The following SNAPC3 variants were observed in gnomAD, a reference collection of about 807,000 sequenced individuals.
SNAPC3 encodes the protein small nuclear RNA activating complex polypeptide 3.
Under a neutral mutation model 47.7 loss-of-function variants are expected in SNAPC3, and 56 were observed. The observed-to-expected ratio is 1.18, with a 90% CI of 0.95 to 1.47. SNAPC3 has a LOEUF of 1.47. Among genes scored for constraint, SNAPC3 ranks in the 40% most tolerant of loss-of-function variants. The probability of loss-of-function intolerance (pLI) is 0.00; values close to 1 mark genes in which losing one functional copy is unlikely to be tolerated. For synonymous variants in SNAPC3, 235 were observed against 189.9 expected, an observed-to-expected ratio of 1.24 and a Z score of -1.95; for missense variants, 665 against 511.3, an observed-to-expected ratio of 1.30 and a Z score of -2.90.
In SNAPC3 at chr9:15,459,818, G is replaced by A. The variant is rs150689879; in HGVS notation, c.1188G>A (p.Leu396=). ...MLHYDSEGNK[L]GEFLAYPYVD... Reference sequence around the variant, plus strand: ...ACTATGATTCAGAAGGCAACAAACTGGGGGAATTCCTTGCTTATCCTTATG... The same window carrying A: ...ACTATGATTCAGAAGGCAACAAACTAGGGGAATTCCTTGCTTATCCTTATG... The change falls in exon 9 of 9, where the codon CTG becomes CTA. Residue 396 remains leucine, a synonymous_variant. Transcript: ENST00000380821. 34 of 1,613,116 alleles carry A rather than the reference G, an allele frequency of 2.1e-5. No homozygotes were observed. The African/African-American group carries it at 4.1e-4, about 20-fold the overall frequency.
intron 6 of SNAPC3, among the ~76,000 whole-genome samples, chr9:15,452,683 TA>T (rs1165488602): frequency 1.3e-5 from 2 of 152,370 alleles, no homozygotes; most frequent in East Asian, 3.9e-4. Context: ...GGGTTATAAC[TA>T]TCACTATTTA....
At chr9:15,441,931 G>A (rs978437324) in intron 3 of SNAPC3, among the ~76,000 whole-genome samples, 6 of 152,082 alleles carry the variant, frequency 3.9e-5, no homozygotes, top group Admixed American at 1.3e-4. Context: ...ACGTGGTGGC[G>A]GCCGGGCAGA....
chr9:15,458,893 C>T lies in SNAPC3; in HGVS notation c.1088+826C>T, dbSNP rs561484932. ...TCTGATGCTCAAATGATCATTGGAGCATTTTGGATTTCAAATTCTCAGTGG... is the reference window on the plus strand; with the variant it reads ...TCTGATGCTCAAATGATCATTGGAGTATTTTGGATTTCAAATTCTCAGTGG... On this transcript the variant is annotated intron_variant, in intron 8 of 8. Transcript: ENST00000380821. Among the ~76,000 whole-genome samples, 5 of 152,140 alleles carry T rather than the reference C, an allele frequency of 3.3e-5. 1 individual carries two copies. Among genetic ancestry groups the T allele is most frequent in the Admixed American group, 2.0e-4 (3 of 15,278 alleles).
At position 15,456,234 on chromosome 9, in the gene SNAPC3, T is replaced by C. The variant is rs530727132; in HGVS notation, c.981-1726T>C. On this transcript the variant is annotated intron_variant, in intron 7 of 8. Transcript: ENST00000380821. ...CATGTTGGCCAGGCTGGTGTCGAAC[T>C]CCTGACCTCAGGTGATCCGCCCATG... 1.2e-4 allele frequency among the ~76,000 whole-genome samples: 19 copies of C among 152,230 alleles called. No individual in the cohort carries two copies. The East Asian group carries it at 3.5e-3, about 28-fold the overall frequency.
At chr9:15,449,396 G>C (rs1262795983) in intron 5 of SNAPC3, among the ~76,000 whole-genome samples, 1 of 151,792 alleles carries the variant, frequency 6.6e-6, no homozygotes, top group Non-Finnish European at 1.5e-5. Flanking sequence ...GTTTTAACCA[G>C]GCTTTGTCAA....
chr9:15,439,164 T>C (rs73417320), intron 3 of SNAPC3, among the ~76,000 whole-genome samples: 6,812 of 152,172 alleles, frequency 0.045, 488 homozygotes, highest in African/African-American at 0.15. Flanking sequence ...CTTGCGCCAC[T>C]ATGCTGAGTT....
At chr9:15,462,829 A>T (rs1192151679), downstream of SNAPC3, 1 of 152,214 alleles carries the variant, frequency 6.6e-6, no homozygotes, top group Non-Finnish European at 1.5e-5. Flanking sequence ...TTTGTTTCTA[A>T]AGAGTTTAAT....
downstream of SNAPC3, chr9:15,462,215 CTGGGAT>C (rs1255415557): frequency 2.0e-5 from 3 of 152,158 alleles, no homozygotes; most frequent in African/African-American, 7.2e-5. Context: ...ATTTCTGCTA[CTGGGAT>C]TCTTTATTAA....
At chr9:15,450,484 A>C (rs2034306563) in intron 5 of SNAPC3, among the ~76,000 whole-genome samples, 1 of 152,212 alleles carries the variant, frequency 6.6e-6, no homozygotes, top group Admixed American at 6.5e-5. Context: ...AGATATTATT[A>C]TTCTCATTTC....
At chr9:15,455,806 C>T (rs1216379330) in intron 7 of SNAPC3, among the ~76,000 whole-genome samples, 2 of 151,820 alleles carry the variant, frequency 1.3e-5, no homozygotes, top group African/African-American at 4.8e-5. Context: ...TGAAGCAATT[C>T]TCATGCCTTA....
At position 15,461,183 on chromosome 9, in the gene SNAPC3, A is replaced by C. The variant is rs1787918903; in HGVS notation, c.*1317A>C. ...ACTTTTTAAACTTATTTTTTGACAT[A>C]GGGTCTTACTGTGTCACCCAGGCTG... On this transcript the variant is annotated 3_prime_UTR_variant, in exon 9 of 9. Transcript: ENST00000380821. 1 of 151,294 alleles carries C rather than the reference A, an allele frequency of 6.6e-6. No homozygotes were observed. Among genetic ancestry groups the C allele is most frequent in the African/African-American group, 2.4e-5 (1 of 41,354 alleles). 9.4% of individuals were successfully genotyped at this position (151,294 alleles called of 1,614,324 possible).
intron 3 of SNAPC3, among the ~76,000 whole-genome samples, chr9:15,442,754 C>T (rs2033586855): frequency 1.3e-5 from 2 of 152,328 alleles, no homozygotes; most frequent in South Asian, 4.1e-4. Flanking sequence ...ACGCTCTTCA[C>T]TTGCCAGACG....
intron 3 of SNAPC3, among the ~76,000 whole-genome samples, chr9:15,435,704 G>T (rs1245930796): frequency 6.6e-6 from 1 of 150,554 alleles, no homozygotes; most frequent in African/African-American, 2.5e-5. Context: ...ATTCCAGCCT[G>T]GGCAACAGGA....
At position 15,423,037 on chromosome 9, in the gene SNAPC3, G is replaced by A. The variant is rs2030756640; in HGVS notation, c.158G>A (p.Gly53Asp). 3.9e-6 allele frequency: 6 copies of A among 1,522,326 alleles called. No individual in the cohort carries two copies. The highest frequency in any genetic ancestry group is 2.4e-5 in the Admixed American group (1 of 42,314). 94.3% of individuals were successfully genotyped at this position (1,522,326 alleles called of 1,614,324 possible). The change falls in exon 1 of 9, where the codon GGC (glycine) becomes GAC (aspartate). Residue 53 changes from glycine to aspartate, a missense_variant. Transcript: ENST00000380821. Reference sequence around the variant, plus strand: ...GGCGCCTTTGGGGAGCTGTGGCGGGGCCGTCTGCGCGGGGCCGGGGACTTG... The same window carrying A: ...GGCGCCTTTGGGGAGCTGTGGCGGGACCGTCTGCGCGGGGCCGGGGACTTG... ...HVGAFGELWR[G>D]RLRGAGDLSL...
At chr9:15,457,287 T>C (rs369518611) in intron 7 of SNAPC3, among the ~76,000 whole-genome samples, 3 of 152,116 alleles carry the variant, frequency 2.0e-5, no homozygotes, top group East Asian at 3.8e-4. Context: ...GCCCAAATTA[T>C]GTTTCATTAC....
chr9:15,427,255 C>G (rs942987932), intron 2 of SNAPC3, among the ~76,000 whole-genome samples: 13 of 152,134 alleles, frequency 8.5e-5, no homozygotes, highest in African/African-American at 2.4e-4. Context: ...GGTTTTAATT[C>G]CTAGGAATAG....
At chr9:15,433,743 G>C (rs2032460952) in intron 3 of SNAPC3, 107 bp downstream of exon 3, 1 of 643,128 alleles carries the variant, frequency 1.6e-6, no homozygotes, top group East Asian at 2.8e-5. Context: ...GATATGCTTA[G>C]TTGAAAACAA....
intron 7 of SNAPC3, 128 bp downstream of exon 7, chr9:15,453,333 A>T: frequency 1.6e-6 from 1 of 632,716 alleles, no homozygotes. Context: ...GCTTGGGAGC[A>T]GCAAAAATAC....
intron 2 of SNAPC3, among the ~76,000 whole-genome samples, chr9:15,433,009 T>A (rs2032358193): frequency 6.6e-6 from 1 of 152,182 alleles, no homozygotes; most frequent in Admixed American, 6.5e-5. Flanking sequence ...AGATGTCATA[T>A]TAATATCATG....
Sources: allele counts gnomAD v4.1 joint callset (sites outside exome capture counted in the v4.1 genomes callset), GRCh38; gene constraint gnomAD v4.1.1; transcripts MANE v1.5; gene names NCBI Gene and HGNC (gene_info 2026-07-23, HGNC 2026-07-21).